ZNF385D: variants seen among roughly 807,000 people sequenced by gnomAD.
The protein encoded by ZNF385D is zinc finger protein 659.
ZNF385D carries 15 observed loss-of-function variants against 35.8 expected under a neutral mutation model. The observed-to-expected ratio is 0.42, with a 90% confidence interval of 0.28 to 0.64. The LOEUF (loss-of-function observed/expected upper bound fraction) is 0.64. Among genes scored for constraint, ZNF385D ranks in the 30% least tolerant of loss-of-function variants. The probability of loss-of-function intolerance (pLI) is 0.23; values close to 1 mark genes in which losing one functional copy is unlikely to be tolerated. For missense variants in ZNF385D, 474 were observed against 494.6 expected (o/e 0.96, Z 0.39); for synonymous variants, 212 against 186.8 (o/e 1.13, Z -1.10).
rs2067030458 is a variant in ZNF385D at position 21,684,402 on chromosome 3, CTCCTCTCTCTCTCT to C, written c.23-19388_23-19375del. Among the ~76,000 whole-genome samples, 4 of 75,572 alleles carry C rather than the reference CTCCTCTCTCTCTCT, an allele frequency of 5.3e-5. 1 individual carries two copies. The highest frequency in any genetic ancestry group is 5.2e-4 in the East Asian group (1 of 1,938). The allele number at this position is 75,572 out of a possible 152,430, so 49.6% of individuals were successfully genotyped here. On this transcript the variant is annotated intron_variant, in intron 1 of 7. Coordinates refer to ENST00000281523, the MANE Select transcript of ZNF385D (RefSeq NM_024697.3). Reference sequence around the variant, plus strand: ...TCTCTCTCTCTCTCTCTCTCTCTCTCTCCTCTCTCTCTCTCTCTCTCTCTCTCTCCTCTCTCTCT... The same window carrying C: ...TCTCTCTCTCTCTCTCTCTCTCTCTCCTCTCTCTCTCTCTCCTCTCTCTCT...
chr3:22,004,925 C>T (rs1169616015), intron 3 of ZNF385D, among the ~76,000 whole-genome samples: 1 of 152,066 alleles, frequency 6.6e-6, no homozygotes, highest in African/African-American at 2.4e-5. Context: ...ACTTTGGGCA[C>T]ACGTCATCAG....
chr3:21,425,552 A>G lies in ZNF385D; in HGVS notation c.792T>C (p.Asn264=). 1.9e-6 allele frequency: 3 copies of G among 1,611,590 alleles called. No homozygotes were observed. The highest frequency in any genetic ancestry group is 2.5e-6 in the Non-Finnish European group (3 of 1,178,884). The change falls in exon 6 of 8, where the codon AAT becomes AAC. Residue 264 remains asparagine, a synonymous_variant. Coordinates refer to ENST00000281523, the MANE Select transcript of ZNF385D (RefSeq NM_024697.3). ...CACAGATTTCACAGTGAAATGTTTT[A>G]TTTTGGAGGCCTGTGTTTCCTTTAT... ...PVNKGNTGLQ[N]KTFHCEICDV... is the part of the protein sequence containing the mutation.
chr3:21,693,770 A>C (rs570360053), intron 1 of ZNF385D, among the ~76,000 whole-genome samples: 1 of 152,146 alleles, frequency 6.6e-6, no homozygotes, highest in Non-Finnish European at 1.5e-5. Context: ...TGTTTTATGA[A>C]TTTAAAAAAT....
chr3:22,073,038 C>T (rs188420257), intron 3 of ZNF385D, among the ~76,000 whole-genome samples: 3 of 152,036 alleles, frequency 2.0e-5, no homozygotes, highest in African/African-American at 4.8e-5. Context: ...GCTCCAAACA[C>T]CTCAAGTCAC....
At chr3:22,021,498 G>C (rs1697221895) in intron 3 of ZNF385D, among the ~76,000 whole-genome samples, 2 of 152,146 alleles carry the variant, frequency 1.3e-5, no homozygotes, top group South Asian at 4.1e-4. Context: ...TTTGAATCCT[G>C]ACTCCACCGC....
At chr3:21,746,205 C>A (rs556177172) in intron 1 of ZNF385D, among the ~76,000 whole-genome samples, 13 of 152,272 alleles carry the variant, frequency 8.5e-5, no homozygotes, top group Admixed American at 7.8e-4. Flanking sequence ...ATGTCATCCA[C>A]GAAAGCGTAA....
intron 2 of ZNF385D, among the ~76,000 whole-genome samples, chr3:21,634,983 T>C (rs1377295156): frequency 6.6e-6 from 1 of 152,112 alleles, no homozygotes; most frequent in South Asian, 2.1e-4. Flanking sequence ...CAAACCGTGA[T>C]TTCCTGCTTC....
At chr3:21,530,747 C>A (rs1256694207) in intron 3 of ZNF385D, among the ~76,000 whole-genome samples, 1 of 151,986 alleles carries the variant, frequency 6.6e-6, no homozygotes, top group African/African-American at 2.4e-5. Context: ...CTAACAGTAC[C>A]CATCACTGCT....
chr3:21,694,701 G>C (rs936611346), intron 1 of ZNF385D, among the ~76,000 whole-genome samples: 2 of 152,100 alleles, frequency 1.3e-5, no homozygotes, highest in East Asian at 1.9e-4. Flanking sequence ...TTGGGTGTTC[G>C]AACATGTGAC....
chr3:22,201,504 A>AT (rs951282883), intron 2 of ZNF385D, among the ~76,000 whole-genome samples: 108 of 152,152 alleles, frequency 7.1e-4, no homozygotes, highest in African/African-American at 2.4e-3. Context: ...AGAGAAATAC[A>AT]TTTTCATAGA....
At chr3:21,933,443 TAAG>T (rs1161932620) in intron 3 of ZNF385D, among the ~76,000 whole-genome samples, 1 of 152,196 alleles carries the variant, frequency 6.6e-6, no homozygotes, top group Non-Finnish European at 1.5e-5. Context: ...GATGGTAATT[TAAG>T]AAGATACTAA....
intron 2 of ZNF385D, among the ~76,000 whole-genome samples, chr3:21,583,441 A>G (rs1226734009): frequency 6.6e-6 from 1 of 152,228 alleles, no homozygotes; most frequent in Admixed American, 6.5e-5. Context: ...ACACATAGCA[A>G]CAAATACAAG....
chr3:21,938,222 T>C (rs145440256), intron 3 of ZNF385D, among the ~76,000 whole-genome samples: 3 of 152,330 alleles, frequency 2.0e-5, no homozygotes, highest in Admixed American at 1.3e-4. Flanking sequence ...TTTGACCCTA[T>C]AGTTAACAGA....
intron 1 of ZNF385D, among the ~76,000 whole-genome samples, chr3:21,724,637 A>G (rs959008695): frequency 1.3e-5 from 2 of 152,016 alleles, no homozygotes; most frequent in Non-Finnish European, 2.9e-5. Flanking sequence ...AGCTAACTAT[A>G]CTAAATATAT....
At chr3:22,141,584 G>A (rs1158658295) in intron 3 of ZNF385D, among the ~76,000 whole-genome samples, 1 of 152,142 alleles carries the variant, frequency 6.6e-6, no homozygotes, top group East Asian at 1.9e-4. Flanking sequence ...GGTCTCTGTG[G>A]TGGGACCCGC....
chr3:22,049,978 T>C (rs1359968592), intron 3 of ZNF385D, among the ~76,000 whole-genome samples: 3 of 152,184 alleles, frequency 2.0e-5, no homozygotes, highest in Non-Finnish European at 4.4e-5. Context: ...AAAATGCTTG[T>C]CTGGCTTTGG....
chr3:22,206,983 A>T (rs1697200434), intron 2 of ZNF385D, among the ~76,000 whole-genome samples: 1 of 152,012 alleles, frequency 6.6e-6, no homozygotes, highest in South Asian at 2.1e-4. Context: ...TTTTGGATAT[A>T]TAAACAAAAC....
intron 2 of ZNF385D, among the ~76,000 whole-genome samples, chr3:22,318,565 G>C (rs1249390560): frequency 6.6e-6 from 1 of 152,152 alleles, no homozygotes; most frequent in African/African-American, 2.4e-5. Flanking sequence ...TTAGCGCTTA[G>C]TGAATTGGTG....
At chr3:21,948,219 C>T (rs1048743080) in intron 3 of ZNF385D, among the ~76,000 whole-genome samples, 7 of 151,422 alleles carry the variant, frequency 4.6e-5, no homozygotes, top group Non-Finnish European at 1.0e-4. Flanking sequence ...ATAAATGGCC[C>T]TCATTTTTTT....
Sources: allele counts gnomAD v4.1 joint callset (sites outside exome capture counted in the v4.1 genomes callset), GRCh38; gene constraint gnomAD v4.1.1; transcripts MANE v1.5; gene names NCBI Gene and HGNC (gene_info 2026-07-23, HGNC 2026-07-21).